PCDH9: variants seen among roughly 807,000 people sequenced by gnomAD.
PCDH9 encodes protocadherin-9.
A neutral mutation model predicts 70.6 loss-of-function variants in PCDH9; 24 were observed. The observed-to-expected ratio is 0.34, with a 90% CI of 0.25 to 0.48. The LOEUF (loss-of-function observed/expected upper bound fraction) is 0.48, where lower values mean the gene tolerates loss of function less well. Among genes scored for constraint, PCDH9 ranks in the 20% least tolerant of loss-of-function variants. The probability of loss-of-function intolerance (pLI) is 0.99; values close to 1 mark genes in which losing one functional copy is unlikely to be tolerated. For missense variants in PCDH9, 1,281 were observed against 1,503.6 expected (o/e 0.85, Z 2.45); for synonymous variants, 562 against 558.5 (o/e 1.01, Z -0.09).
intron 4 of PCDH9, among the ~76,000 whole-genome samples, chr13:66,582,705 G>A (rs1234816200): frequency 1.3e-5 from 2 of 152,072 alleles, no homozygotes; most frequent in African/African-American, 4.8e-5. Flanking sequence ...CTTCAAGAGA[G>A]CCTTGTTCTT....
chr13:66,430,204 T>C (rs2138373216), intron 4 of PCDH9, among the ~76,000 whole-genome samples: 1 of 152,218 alleles, frequency 6.6e-6, no homozygotes, highest in African/African-American at 2.4e-5. Flanking sequence ...ACATTCTAGT[T>C]TGTATTTACC....
At chr13:66,875,063 T>A (rs2081778179) in intron 3 of PCDH9, among the ~76,000 whole-genome samples, 1 of 151,672 alleles carries the variant, frequency 6.6e-6, no homozygotes, top group African/African-American at 2.4e-5. Flanking sequence ...ATACATGAAA[T>A]AAAAAAATAA....
At position 66,682,421 on chromosome 13, in the gene PCDH9, T is replaced by C. The variant is rs2078340473; in HGVS notation, c.3139-51010A>G. 8.5e-5 allele frequency among the ~76,000 whole-genome samples: 13 copies of C among 152,080 alleles called. No individual in the cohort carries two copies. In the South Asian group the frequency reaches 2.7e-3, roughly 32 times the overall value. Reference sequence around the variant, plus strand: ...CTATCATCTATCATCTTCTTCTTTTTATTTAGTGAGAAGGAAGAGAGAGAG... The same window carrying C: ...CTATCATCTATCATCTTCTTCTTTTCATTTAGTGAGAAGGAAGAGAGAGAG... On this transcript the variant is annotated intron_variant, in intron 3 of 4. Transcript: ENST00000377865.
chr13:66,885,919 T>C (rs2139552092), intron 3 of PCDH9: 1 of 152,302 alleles, frequency 6.6e-6, no homozygotes, highest in African/African-American at 2.4e-5. Context: ...AGATTTTTCC[T>C]CCGTGTTTTC....
chr13:66,664,241 A>G (rs7987406), intron 3 of PCDH9, among the ~76,000 whole-genome samples: 86,403 of 151,522 alleles, frequency 0.57, 24,964 homozygotes, highest in African/African-American at 0.66. Flanking sequence ...TTTACAGTCT[A>G]AATAATTTTA....
chr13:66,933,270 T>C (rs890170691), intron 2 of PCDH9, among the ~76,000 whole-genome samples: 1 of 152,160 alleles, frequency 6.6e-6, no homozygotes, highest in African/African-American at 2.4e-5. Flanking sequence ...CTTTTACCTA[T>C]GACATCAGTA....
At chr13:66,956,119 A>T (rs2083262586) in intron 2 of PCDH9, among the ~76,000 whole-genome samples, 1 of 151,972 alleles carries the variant, frequency 6.6e-6, no homozygotes, top group Non-Finnish European at 1.5e-5. Flanking sequence ...CAGAGGGCTG[A>T]GCTTTGTTAC....
intron 2 of PCDH9, among the ~76,000 whole-genome samples, chr13:67,006,648 T>C (rs1428444466): frequency 6.6e-6 from 1 of 152,218 alleles, no homozygotes; most frequent in East Asian, 1.9e-4. Context: ...TTTTAGCTGT[T>C]TAAGTTGAAT....
At chr13:67,142,080 A>C (rs1479542644) in intron 2 of PCDH9, among the ~76,000 whole-genome samples, 1 of 152,198 alleles carries the variant, frequency 6.6e-6, no homozygotes, top group African/African-American at 2.4e-5. Flanking sequence ...AAAAGAAAAA[A>C]ATAATTTTCC....
At position 66,760,648 on chromosome 13, in the gene PCDH9, A is replaced by C. The variant is rs568295813; in HGVS notation, c.3139-129237T>G. On this transcript the variant is annotated intron_variant, in intron 3 of 4. Transcript: ENST00000377865. ...AGGCATCCTAAAAGAACAGGATATC[A>C]GCGATTTTCAGGCAACAAAGGAGAT... Among the ~76,000 whole-genome samples the C allele has an allele frequency of 1.2e-4, 18 of 152,312 alleles. No individual in the cohort carries two copies. In the East Asian group the frequency reaches 2.1e-3, roughly 18 times the overall value.
chr13:66,878,506 C>T (rs553969400), intron 3 of PCDH9, among the ~76,000 whole-genome samples: 14 of 152,120 alleles, frequency 9.2e-5, no homozygotes, highest in South Asian at 4.1e-4. Context: ...GGATTACAGG[C>T]GTGAGGCATA....
intron 4 of PCDH9, among the ~76,000 whole-genome samples, chr13:66,339,120 A>G (rs1160500848): frequency 2.0e-5 from 3 of 152,230 alleles, no homozygotes; most frequent in African/African-American, 7.2e-5. Flanking sequence ...AGAAGAGAGA[A>G]AACGTAACTT....
chr13:66,545,747 T>C (rs1187588686), intron 4 of PCDH9, among the ~76,000 whole-genome samples: 1 of 152,148 alleles, frequency 6.6e-6, no homozygotes, highest in African/African-American at 2.4e-5. Context: ...TTGATAATGA[T>C]AATAATCTAC....
At chr13:66,492,752 C>A (rs1262812622) in intron 4 of PCDH9, among the ~76,000 whole-genome samples, 4 of 151,952 alleles carry the variant, frequency 2.6e-5, no homozygotes, top group Non-Finnish European at 5.9e-5. Context: ...TTTGTGACAC[C>A]ACTTGAGGAG....
At chr13:66,537,443 C>A (rs61955971) in intron 4 of PCDH9, among the ~76,000 whole-genome samples, 35,904 of 151,930 alleles carry the variant, frequency 0.24, 4,721 homozygotes, top group South Asian at 0.34. Flanking sequence ...TGTAGCATAA[C>A]AGGCCTACAG....
At chr13:66,770,786 G>A (rs1375249721) in intron 3 of PCDH9, among the ~76,000 whole-genome samples, 3 of 152,050 alleles carry the variant, frequency 2.0e-5, no homozygotes, top group African/African-American at 7.2e-5. Context: ...TTGTCTTTTT[G>A]AGCTAAAAAT....
intron 4 of PCDH9, among the ~76,000 whole-genome samples, chr13:66,553,085 T>A (rs1566411563): frequency 6.6e-6 from 1 of 152,204 alleles, no homozygotes; most frequent in Non-Finnish European, 1.5e-5. Context: ...CTACAACACA[T>A]GGATATTATG....
chr13:66,699,160 T>A (rs1350230980), intron 3 of PCDH9, among the ~76,000 whole-genome samples: 1 of 152,036 alleles, frequency 6.6e-6, no homozygotes, highest in East Asian at 1.9e-4. Flanking sequence ...GTGATCCTCC[T>A]TCGTTGGCCT....
rs751978162 is a variant in PCDH9, at chr13:67,225,764, C to G, written c.2677G>C (p.Asp893His). The change falls in exon 2 of 5, where the codon GAT becomes CAT. Residue 893 changes from aspartate (D) to histidine (H), a missense_variant. This residue lies in a region of PCDH9 where 207 missense variants were observed against 191.8 expected (regional missense o/e 1.08). Transcript: ENST00000377865. The stretch of plus-strand genomic sequence containing the variant: ...TTGATAGGTTCATGAACTGCATCAT[C>G]GGGTTTGGACTCTTCGATAGTAACA... ...NFVTIEESKP[D>H]DAVHEPINGT... The G allele has an allele frequency of 6.2e-7, 1 of 1,614,056 alleles. No individual in the cohort carries two copies. Among genetic ancestry groups the G allele is most frequent in the South Asian group, 1.1e-5 (1 of 91,048 alleles).
Sources: gnomAD v4.1 joint callset for allele counts (sites outside exome capture counted in the v4.1 genomes callset) on GRCh38, gnomAD v4.1.1 for gene constraint, gnomAD v4.1.1 regional missense constraint, MANE v1.5 for transcripts, NCBI Gene and HGNC (gene_info 2026-07-23, HGNC 2026-07-21) for gene names.